The following PREX1 variants were observed in gnomAD, a reference collection of about 807,000 sequenced individuals.
PREX1 encodes the protein phosphatidylinositol 3,4,5-trisphosphate-dependent Rac exchanger 1 protein.
In PREX1, 41 loss-of-function variants were observed where a neutral mutation model predicts 198.3. That is an observed-to-expected ratio of 0.21 (90% CI 0.16 to 0.27). The LOEUF (loss-of-function observed/expected upper bound fraction) is 0.27, where lower values mean the gene tolerates loss of function less well. Ranked by LOEUF, PREX1 falls within the 10% of genes least tolerant of loss-of-function variation. The probability of loss-of-function intolerance (pLI) is 1.00; values close to 1 mark genes in which losing one functional copy is unlikely to be tolerated. For missense variants in PREX1, 1,620 were observed against 2,200.7 expected (o/e 0.74, Z 5.28); for synonymous variants, 843 against 887.2 (o/e 0.95, Z 0.89).
rs537696860 is a variant in PREX1, at chr20:48,772,538, C to A, written c.220-24658G>T. 2.0e-5 allele frequency among the ~76,000 whole-genome samples: 3 copies of A among 152,348 alleles called. No individual in the cohort carries two copies. In the South Asian group the frequency reaches 6.2e-4, roughly 32 times the overall value. On this transcript the variant is annotated intron_variant, in intron 1 of 39. Coordinates refer to ENST00000371941, the MANE Select transcript of PREX1 (RefSeq NM_020820.4). ...CAGCCACCAACCACGGGACACAGAC[C>A]CAGCAGTTCCCTTTTTCTCTTTGCG...
At chr20:48,731,154 T>A (rs2090033288) in intron 4 of PREX1, among the ~76,000 whole-genome samples, 1 of 152,146 alleles carries the variant, frequency 6.6e-6, no homozygotes, top group African/African-American at 2.4e-5. Context: ...TTGCAATTCC[T>A]CAAACACACT....
At chr20:48,643,476 A>T (rs1055730996) in intron 27 of PREX1, among the ~76,000 whole-genome samples, 2 of 151,514 alleles carry the variant, frequency 1.3e-5, no homozygotes, top group South Asian at 4.2e-4. Context: ...TCAAAAAAAA[A>T]TTTAAAAAAA....
chr20:48,661,444 A>AATATATATATATATAT (rs1159107194), intron 15 of PREX1, among the ~76,000 whole-genome samples: 23 of 49,596 alleles, frequency 4.6e-4, no homozygotes, highest in South Asian at 9.6e-4. Context: ...AAAAAAAAAA[A>AATATATATATATATAT]ATATATATAT....
chr20:48,648,564 G>A (rs1198622465), intron 25 of PREX1, among the ~76,000 whole-genome samples: 2 of 152,174 alleles, frequency 1.3e-5, no homozygotes, highest in Non-Finnish European at 2.9e-5. Flanking sequence ...GAAGGAAGGA[G>A]TCCTCAATAC....
chr20:48,734,697 G>C (rs765240083), intron 3 of PREX1, 47 bp from the exon 4 acceptor site: 5 of 1,557,086 alleles, frequency 3.2e-6, no homozygotes, highest in Non-Finnish European at 3.5e-6. Flanking sequence ...ATGGTAGCAG[G>C]CAGGTGCCCT....
chr20:48,638,457 T>C (rs1274700306), intron 30 of PREX1, among the ~76,000 whole-genome samples: 1 of 152,226 alleles, frequency 6.6e-6, no homozygotes, highest in Non-Finnish European at 1.5e-5. Flanking sequence ...CAACATCCTG[T>C]TCTCTTTCCT....
intron 1 of PREX1, among the ~76,000 whole-genome samples, chr20:48,794,243 C>A (rs1387111487): frequency 6.6e-6 from 1 of 152,100 alleles, no homozygotes; most frequent in Non-Finnish European, 1.5e-5. Context: ...CAGGGACCAG[C>A]CTGTGAATGA....
chr20:48,657,245 C>T (rs969106558), intron 17 of PREX1, 57 bp from the exon 18 acceptor site: 11 of 1,577,672 alleles, frequency 7.0e-6, no homozygotes, highest in African/African-American at 5.4e-5. Flanking sequence ...TCCTTCCCTC[C>T]TCACCAAGGA....
At chr20:48,773,121 TC>T (rs2090244322) in intron 1 of PREX1, among the ~76,000 whole-genome samples, 1 of 151,868 alleles carries the variant, frequency 6.6e-6, no homozygotes, top group African/African-American at 2.4e-5. Context: ...ACAAAAATTA[TC>T]TGGGTGAGGT....
rs111454121 is a variant in PREX1 at position 48,642,105 on chromosome 20, C to T, written c.3775+63G>A. 4.1e-3 allele frequency: 6,241 copies of T among 1,533,816 alleles called. 206 individuals carry two copies. The African/African-American group carries it at 0.075, about 18-fold the overall frequency. ...GCAGAGCTGAGCATTAGCCCGGGTA[C>T]GCCGCCCTGTCTAACACCCTTCCCC... On this transcript the variant is annotated intron_variant, in intron 29 of 39. Coordinates refer to ENST00000371941, the MANE Select transcript of PREX1 (RefSeq NM_020820.4).
rs756485822 is a variant in PREX1 at position 48,658,254 on chromosome 20, C to T, written c.1882-26G>A. On this transcript the variant is annotated intron_variant, in intron 16 of 39. Transcript: ENST00000371941. ...CTGGGGGCCCAGGGCAGAAGGAACC[C>T]GGTCAGGGAGCGAGGTGGGCCTACG... is the stretch of plus-strand genomic sequence containing the variant. 7.4e-6 allele frequency: 12 copies of T among 1,611,284 alleles called. No individual in the cohort carries two copies. In the Admixed American group the frequency reaches 1.5e-4, roughly 20 times the overall value.
the PREX1 span, among the ~76,000 whole-genome samples, chr20:48,859,172 A>T: frequency 2.6e-5 from 4 of 152,186 alleles, no homozygotes; most frequent in African/African-American, 9.7e-5. Context: ...AAGTGCTAGG[A>T]TTACAGGTGG....
At chr20:48,730,894 G>A (rs1458875698) in intron 4 of PREX1, among the ~76,000 whole-genome samples, 1 of 152,060 alleles carries the variant, frequency 6.6e-6, no homozygotes, top group Admixed American at 6.5e-5. Context: ...CTTCTCAGAA[G>A]ACTAAATGGG....
chr20:48,690,713 C>T (rs750112564), intron 9 of PREX1, among the ~76,000 whole-genome samples: 2 of 152,158 alleles, frequency 1.3e-5, no homozygotes, highest in African/African-American at 2.4e-5. Context: ...TGAAGACCTT[C>T]GGGCAAGACC....
intron 10 of PREX1, among the ~76,000 whole-genome samples, chr20:48,686,486 C>T (rs879492689): frequency 6.6e-6 from 1 of 152,220 alleles, no homozygotes; most frequent in Non-Finnish European, 1.5e-5. Flanking sequence ...CAGAACTCCT[C>T]GAAGTTCTGA....
At chr20:48,887,828 T>C in the PREX1 span, among the ~76,000 whole-genome samples, 1 of 151,330 alleles carries the variant, frequency 6.6e-6, no homozygotes, top group Non-Finnish European at 1.5e-5. Flanking sequence ...CGGGCTCCTG[T>C]AGTTCCAGTT....
intron 1 of PREX1, among the ~76,000 whole-genome samples, chr20:48,795,213 G>C (rs553328743): frequency 6.6e-6 from 1 of 152,158 alleles, no homozygotes; most frequent in South Asian, 2.1e-4. Context: ...GGCAGAGCTG[G>C]GATGCTGGTT....
rs1414000155 is a variant in PREX1 at position 48,782,268 on chromosome 20, T to C, written c.220-34388A>G. ...GACACAGTGGGAGATAATTGAATCATGGGGGAAGTTTCCCCCATGCGGTTC... is the reference window on the plus strand; with the variant it reads ...GACACAGTGGGAGATAATTGAATCACGGGGGAAGTTTCCCCCATGCGGTTC... On this transcript the variant is annotated intron_variant, in intron 1 of 39. Coordinates refer to ENST00000371941, the MANE Select transcript of PREX1 (RefSeq NM_020820.4). Among the ~76,000 whole-genome samples, 4 of 152,218 alleles carry C rather than the reference T, an allele frequency of 2.6e-5. No homozygotes were observed. In the South Asian group the frequency reaches 6.2e-4, roughly 24 times the overall value.
the PREX1 span, among the ~76,000 whole-genome samples, chr20:48,864,690 G>A: frequency 0.021 from 3,127 of 152,278 alleles, 52 homozygotes; most frequent in Middle Eastern, 0.037. Context: ...CAGATGGAGG[G>A]TTAGGGACAG....
Sources: allele counts gnomAD v4.1 joint callset (sites outside exome capture counted in the v4.1 genomes callset), GRCh38; gene constraint gnomAD v4.1.1; transcripts MANE v1.5; gene names NCBI Gene and HGNC (gene_info 2026-07-23, HGNC 2026-07-21).